The following CYRIB variants were observed in gnomAD, a reference collection of about 807,000 sequenced individuals.
CYRIB encodes CYFIP related Rac1 interactor B, also known as CYFIP-related Rac1 interactor B.
A neutral mutation model predicts 44.2 loss-of-function variants in CYRIB; 8 were observed. The observed-to-expected ratio is 0.18, with a 90% CI of 0.11 to 0.33. CYRIB has a LOEUF of 0.33. CYRIB is among the 10% of genes least tolerant of loss of function. CYRIB has a pLI of 1.00. For synonymous variants in CYRIB, 131 were observed against 127.2 expected (o/e 1.03, Z -0.20); for missense variants, 185 against 382.8 (o/e 0.48, Z 4.31).
At chr8:129,863,640 T>C (rs564442324) in intron 4 of CYRIB, among the ~76,000 whole-genome samples, 50 of 152,316 alleles carry the variant, frequency 3.3e-4, no homozygotes, top group African/African-American at 1.1e-3. Context: ...CTGAGTAAGA[T>C]GAAAAACTAG....
intron 1 of CYRIB, among the ~76,000 whole-genome samples, chr8:129,911,892 A>G (rs905123074): frequency 1.3e-5 from 2 of 152,154 alleles, no homozygotes; most frequent in South Asian, 4.1e-4. Flanking sequence ...CAACTCAGCT[A>G]AGTTTTGGAA....
At chr8:129,916,248 C>G (rs535857085) in intron 1 of CYRIB, among the ~76,000 whole-genome samples, 2 of 152,080 alleles carry the variant, frequency 1.3e-5, no homozygotes, top group African/African-American at 2.4e-5. Context: ...TTCCGTAGCT[C>G]AGATTTTTAT....
chr8:129,946,843 T>G (rs1251738012), intron 2 of CYRIB, among the ~76,000 whole-genome samples: 1 of 152,202 alleles, frequency 6.6e-6, no homozygotes, highest in Non-Finnish European at 1.5e-5. Context: ...CTGCATCACA[T>G]TGGCTGTTCC....
chr8:129,856,217 T>C (rs2046150268), intron 5 of CYRIB, among the ~76,000 whole-genome samples: 1 of 152,232 alleles, frequency 6.6e-6, no homozygotes. Flanking sequence ...CCTTTATTTA[T>C]AACCACAAAC....
intron 1 of CYRIB, among the ~76,000 whole-genome samples, chr8:129,909,987 C>T (rs1345695472): frequency 6.6e-6 from 1 of 152,210 alleles, no homozygotes; most frequent in South Asian, 2.1e-4. Context: ...GGCAAGTTAG[C>T]GAAAGACATC....
At chr8:129,873,694 G>A (rs2058158149) in intron 3 of CYRIB, among the ~76,000 whole-genome samples, 1 of 151,956 alleles carries the variant, frequency 6.6e-6, no homozygotes. Context: ...TAGGTGTGGT[G>A]ACTAGCTGTT....
intron 2 of CYRIB, among the ~76,000 whole-genome samples, chr8:129,947,069 T>C (rs1179133434): frequency 2.0e-5 from 3 of 152,090 alleles, no homozygotes; most frequent in Non-Finnish European, 2.9e-5. Flanking sequence ...TATTTATTTT[T>C]TTTTTTGAGA....
chr8:129,845,970 G>A (rs918391113), intron 11 of CYRIB, among the ~76,000 whole-genome samples: 3 of 152,022 alleles, frequency 2.0e-5, no homozygotes, highest in African/African-American at 4.8e-5. Flanking sequence ...ATGGTGAAAC[G>A]CTGTCTTTAC....
chr8:129,894,107 T>C (rs992725525), intron 2 of CYRIB, among the ~76,000 whole-genome samples: 1 of 152,218 alleles, frequency 6.6e-6, no homozygotes, highest in Non-Finnish European at 1.5e-5. Flanking sequence ...TTTCCACTTT[T>C]AAATATTAAC....
chr8:129,973,748 C>G (rs918471913), intron 1 of CYRIB, among the ~76,000 whole-genome samples: 1 of 152,130 alleles, frequency 6.6e-6, no homozygotes, highest in Non-Finnish European at 1.5e-5. Flanking sequence ...ATCACTTGAG[C>G]CTTGGAGTTC....
chr8:129,990,622 A>G (rs1194058263), intron 1 of CYRIB, among the ~76,000 whole-genome samples: 2 of 152,004 alleles, frequency 1.3e-5, no homozygotes, highest in Non-Finnish European at 2.9e-5. Flanking sequence ...CCCAGGCTCA[A>G]GCGATCCTCC....
chr8:129,965,481 T>C (rs1251825601), intron 2 of CYRIB, among the ~76,000 whole-genome samples: 2 of 152,114 alleles, frequency 1.3e-5, no homozygotes, highest in South Asian at 4.1e-4. Context: ...TTTTAAACAA[T>C]GGCGGAGCAA....
intron 1 of CYRIB, among the ~76,000 whole-genome samples, chr8:129,992,737 T>C (rs2096668702): frequency 6.6e-6 from 1 of 152,208 alleles, no homozygotes; most frequent in Non-Finnish European, 1.5e-5. Context: ...TATTATACCT[T>C]GCCTCTTTCC....
At chr8:129,939,934 A>T (rs1048577298), upstream of CYRIB, 2 of 152,052 alleles carry the variant, frequency 1.3e-5, no homozygotes, top group Non-Finnish European at 2.9e-5. Context: ...TCCTTAGCCT[A>T]TCTTCTCCGC....
chr8:129,958,146 ACT>A (rs1211929949), intron 2 of CYRIB, among the ~76,000 whole-genome samples: 3 of 151,792 alleles, frequency 2.0e-5, no homozygotes, highest in Non-Finnish European at 2.9e-5. Flanking sequence ...AAAGAGTGAG[ACT>A]CTGTCTCTGG....
intron 3 of CYRIB, among the ~76,000 whole-genome samples, chr8:129,878,084 T>C (rs1366718543): frequency 6.6e-6 from 1 of 152,186 alleles, no homozygotes; most frequent in African/African-American, 2.4e-5. Context: ...GGTAAATTGT[T>C]GAGAAGGGTC....
intron 2 of CYRIB, among the ~76,000 whole-genome samples, chr8:129,893,524 C>G (rs146976337): frequency 1.1e-3 from 172 of 152,186 alleles, no homozygotes; most frequent in African/African-American, 3.3e-3. Context: ...GGAAGTAATT[C>G]CAACATAAAG....
At chr8:129,895,823 C>T (rs1195260926) in intron 2 of CYRIB, among the ~76,000 whole-genome samples, 1 of 152,212 alleles carries the variant, frequency 6.6e-6, no homozygotes, top group African/African-American at 2.4e-5. Context: ...CTACCTCAGC[C>T]TCCCAAGGTG....
chr8:129,872,685 A>T (rs2057749650), intron 3 of CYRIB, among the ~76,000 whole-genome samples: 1 of 152,056 alleles, frequency 6.6e-6, no homozygotes, highest in Non-Finnish European at 1.5e-5. Context: ...ATTTTCTCTT[A>T]TGAGGGAAAA....
Sources: gnomAD v4.1 joint callset for allele counts (sites outside exome capture counted in the v4.1 genomes callset) on GRCh38, gnomAD v4.1.1 for gene constraint, MANE v1.5 for transcripts, NCBI Gene and HGNC (gene_info 2026-07-23, HGNC 2026-07-21) for gene names.